The following ZNF880 variants were observed in gnomAD, a reference collection of about 807,000 sequenced individuals.
The protein encoded by ZNF880 is zinc finger protein LOC400713.
Under a neutral mutation model 11.8 loss-of-function variants are expected in ZNF880, and 12 were observed. That is an observed-to-expected ratio of 1.02 (90% CI 0.65 to 1.65). ZNF880 has a LOEUF of 1.65. ZNF880 is among the 40% of genes most tolerant of loss of function. ZNF880 has a pLI of 0.00. For synonymous variants in ZNF880, 210 were observed against 232.4 expected, an observed-to-expected ratio of 0.90 and a Z score of 0.88; for missense variants, 601 against 673.9, an observed-to-expected ratio of 0.89 and a Z score of 1.20.
chr19:52,382,260 G>GAGC (rs569541067), intron 3 of ZNF880, among the ~76,000 whole-genome samples: 9 of 152,084 alleles, frequency 5.9e-5, no homozygotes, highest in Non-Finnish European at 1.3e-4. Context: ...CTGGGTGACA[G>GAGC]AGCAAGACTC....
upstream of ZNF880, among the ~76,000 whole-genome samples, chr19:52,369,719 TAGC>T (rs1188149547): frequency 2.6e-5 from 4 of 152,082 alleles, no homozygotes; most frequent in African/African-American, 7.2e-5. Flanking sequence ...TTAATTTTAA[TAGC>T]AGGAATTTTC....
chr19:52,394,421 G>A, the ZNF880 span, among the ~76,000 whole-genome samples: 3 of 151,802 alleles, frequency 2.0e-5, no homozygotes, highest in Non-Finnish European at 4.4e-5. Context: ...GTTTTGTAGA[G>A]ATGGGGTTTC....
intron 3 of ZNF880, among the ~76,000 whole-genome samples, chr19:52,375,225 C>T (rs1461271011): frequency 2.0e-5 from 3 of 148,474 alleles, no homozygotes; most frequent in Non-Finnish European, 3.0e-5. Flanking sequence ...CTTGCTCTGT[C>T]GCCCAGGCTG....
intron 3 of ZNF880, among the ~76,000 whole-genome samples, chr19:52,375,812 A>G (rs1479415781): frequency 6.6e-6 from 1 of 152,086 alleles, no homozygotes; most frequent in Non-Finnish European, 1.5e-5. Flanking sequence ...CTGGGACTGT[A>G]GGCATGTGCC....
rs887538728 is a variant in ZNF880, at chr19:52,384,119, G to T, written c.539G>T (p.Arg180Met). Reference protein sequence around the residue: ...FLPQEQKAQIREKPCECNEHG... With the variant: ...FLPQEQKAQIMEKPCECNEHG... ...CCACAAGAACAAAAAGCACAAATAAGGGAAAAACCGTGTGAATGTAATGAG... is the reference window on the plus strand; with the variant it reads ...CCACAAGAACAAAAAGCACAAATAATGGAAAAACCGTGTGAATGTAATGAG... Residue 180 changes from arginine to methionine, a missense_variant, in exon 4 of 4, where the codon AGG becomes ATG. Physicochemically the swap from Arg to Met is moderately conservative, Grantham distance 91 (BLOSUM62 -1). Around this residue, in one of 3 missense-constraint regions of ZNF880, gnomAD observed 420 missense variants for 442.6 expected, o/e 0.95. Coordinates refer to ENST00000422689, the MANE Select transcript of ZNF880 (RefSeq NM_001145434.2). 3 of 1,600,134 alleles carry T rather than the reference G, an allele frequency of 1.9e-6. No individual in the cohort carries two copies. In the African/African-American group the frequency reaches 4.0e-5, roughly 21 times the overall value.
chr19:52,390,229 C>T, downstream of ZNF880: 1 of 255,652 alleles, frequency 3.9e-6, no homozygotes, highest in Non-Finnish European at 8.3e-6. Flanking sequence ...CACTGGCCCG[C>T]ACCTTTTTTA....
chr19:52,392,644 T>C, the ZNF880 span: 1 of 205,714 alleles, frequency 4.9e-6, no homozygotes, highest in East Asian at 1.3e-4. Context: ...CTTGGTTCTC[T>C]TTTTTTATAA....
chr19:52,388,682 T>C (rs376778710), downstream of ZNF880, among the ~76,000 whole-genome samples: 7 of 152,244 alleles, frequency 4.6e-5, no homozygotes, highest in East Asian at 1.4e-3. Flanking sequence ...GGTCTGCAAA[T>C]GTTTACTACA....
chr19:52,395,929 A>G, the ZNF880 span, among the ~76,000 whole-genome samples: 3 of 152,184 alleles, frequency 2.0e-5, no homozygotes, highest in Non-Finnish European at 2.9e-5. Flanking sequence ...GCTGTCCTGC[A>G]GTCTCTCCGC....
downstream of ZNF880, chr19:52,389,064 C>T (rs1478229081): frequency 6.6e-6 from 1 of 152,190 alleles, no homozygotes; most frequent in East Asian, 1.9e-4. Context: ...ATTCAGTTAC[C>T]TCCCCCCGGG....
At chr19:52,394,207 A>G in the ZNF880 span, among the ~76,000 whole-genome samples, 1 of 152,012 alleles carries the variant, frequency 6.6e-6, no homozygotes, top group Non-Finnish European at 1.5e-5. Flanking sequence ...TTTCATGTGC[A>G]AATTGCTAGT....
chr19:52,382,548 T>C lies in ZNF880; in HGVS notation c.269-1301T>C, dbSNP rs1168553536. 2.6e-5 allele frequency among the ~76,000 whole-genome samples: 4 copies of C among 152,182 alleles called. No individual in the cohort carries two copies. The East Asian group carries it at 7.7e-4, about 29-fold the overall frequency. On this transcript the variant is annotated intron_variant, in intron 3 of 3. Coordinates refer to ENST00000422689, the MANE Select transcript of ZNF880 (RefSeq NM_001145434.2). ...TTTTGCAGGTGAATGTTACTAAATA[T>C]AGTATTCTTGGTTGATATTTTTGCT...
chr19:52,373,858 A>T (rs1941691612), intron 2 of ZNF880, among the ~76,000 whole-genome samples: 1 of 149,756 alleles, frequency 6.7e-6, no homozygotes, highest in African/African-American at 2.5e-5. Flanking sequence ...TTTAGTGGAG[A>T]TGGGGTTTCA....
intron 3 of ZNF880, among the ~76,000 whole-genome samples, chr19:52,377,437 G>A (rs931902265): frequency 1.3e-5 from 2 of 152,036 alleles, no homozygotes; most frequent in Non-Finnish European, 2.9e-5. Context: ...TTTTTCAGTG[G>A]CCATCTAATA....
Position 52,384,351 on chromosome 19 carries a change from A to G in ZNF880, c.771A>G (p.Arg257=). The part of the protein sequence containing the change: ...KLFNRISLLA[R]HQRIHTGEKP... ...TCAATCGAATTTCACTCCTTGCACG[A>G]CATCAGAGAATACATACTGGAGAGA... Residue 257 remains arginine (R), a synonymous_variant, in exon 4 of 4, where the codon CGA becomes CGG. Transcript: ENST00000422689. The G allele has an allele frequency of 6.2e-7, 1 of 1,612,316 alleles. No homozygotes were observed. The highest frequency in any genetic ancestry group is 1.3e-5 in the African/African-American group (1 of 74,958).
At chr19:52,386,853 C>T (rs1009384899), downstream of ZNF880, among the ~76,000 whole-genome samples, 1 of 136,448 alleles carries the variant, frequency 7.3e-6, no homozygotes, top group Non-Finnish European at 1.6e-5. Context: ...GAAGAGAGAA[C>T]AGTTGATTAG....
chr19:52,370,338 GC>G, intron 1 of ZNF880: 2 of 297,338 alleles, frequency 6.7e-6, no homozygotes, highest in East Asian at 6.5e-5. Context: ...TCACAGGCCT[GC>G]CCCCTTTTCT....
chr19:52,384,379 C>T lies in ZNF880; in HGVS notation c.799C>T (p.Pro267Ser). 6.2e-7 allele frequency: 1 copy of T among 1,613,750 alleles called. No individual in the cohort carries two copies. The highest frequency in any genetic ancestry group is 1.1e-5 in the South Asian group (1 of 91,064). ...TCAGAGAATACATACTGGAGAGAAA[C>T]CTTACAAATGTCATGAGTGTGGCAA... ...RHQRIHTGEKPYKCHECGKVF... is the reference protein window; with the variant it reads ...RHQRIHTGEKSYKCHECGKVF... Residue 267 changes from proline (P) to serine (S), a missense_variant, in exon 4 of 4, where the codon CCT becomes TCT. This residue lies in a region of ZNF880 where 420 missense variants were observed against 442.6 expected (regional missense o/e 0.95). Coordinates refer to ENST00000422689, the MANE Select transcript of ZNF880 (RefSeq NM_001145434.2).
At position 52,384,798 on chromosome 19, in the gene ZNF880, A is replaced by AC. The variant is rs1333139609; in HGVS notation, c.1220dup (p.Tyr408LeufsTer4). The AC allele has an allele frequency of 1.1e-5, 17 of 1,610,830 alleles. No individual in the cohort carries two copies. The highest frequency in any genetic ancestry group is 1.2e-5 in the Non-Finnish European group (14 of 1,178,282). On this transcript the variant is annotated frameshift_variant, in exon 4 of 4. Coordinates refer to ENST00000422689, the MANE Select transcript of ZNF880 (RefSeq NM_001145434.2). LOFTEE classifies it low-confidence loss of function (END_TRUNC). ...ATCATAGAATGCACACGGGAGAGCA[A>AC]CCTTACAAATGTAATGAATGTGGCA... is the stretch of plus-strand genomic sequence containing the variant.
Sources: gnomAD v4.1 joint callset for allele counts (sites outside exome capture counted in the v4.1 genomes callset) on GRCh38, gnomAD v4.1.1 for gene constraint, gnomAD v4.1.1 regional missense constraint, MANE v1.5 for transcripts, NCBI Gene and HGNC (gene_info 2026-07-23, HGNC 2026-07-21) for gene names.